ATP1A3: variants seen among roughly 807,000 people sequenced by gnomAD.
The protein encoded by ATP1A3 is sodium/potassium-transporting ATPase subunit alpha-3.
In ATP1A3, 12 loss-of-function variants were observed where a neutral mutation model predicts 108.8. The ratio of observed to expected loss-of-function variants is 0.11; its 90% CI spans 0.07 to 0.18. The LOEUF (loss-of-function observed/expected upper bound fraction) is 0.18, where lower values mean the gene tolerates loss of function less well. Ranked by LOEUF, ATP1A3 falls within the 10% of genes least tolerant of loss-of-function variation. The probability of loss-of-function intolerance (pLI) is 1.00; values close to 1 mark genes in which losing one functional copy is unlikely to be tolerated. For missense variants in ATP1A3, 498 were observed against 1,387.7 expected (o/e 0.36, Z 10.19); for synonymous variants, 539 against 564.5 (o/e 0.95, Z 0.64).
intron 1 of ATP1A3, chr19:41,993,703 G>A (rs2075361958): frequency 1.7e-6 from 1 of 603,320 alleles, no homozygotes; most frequent in East Asian, 2.8e-5. Flanking sequence ...ACACCCAGAC[G>A]CGATCGCAGA....
rs2075200455 is a variant in ATP1A3 at position 41,978,884 on chromosome 19, C to T, written c.1438-86G>A. ...CCATCCTGTCCCCTGTCCAGAGCCACGGGTGCCAGGATAGGCCCACACCAG... is the reference window on the plus strand; with the variant it reads ...CCATCCTGTCCCCTGTCCAGAGCCATGGGTGCCAGGATAGGCCCACACCAG... On this transcript the variant is annotated intron_variant, in intron 11 of 22. Coordinates refer to ENST00000648268, the MANE Select transcript of ATP1A3 (RefSeq NM_152296.5). The surrounding 1 kb of genome is among the most constrained non-coding windows in gnomAD (Gnocchi z 8.3). 11 of 1,433,038 alleles carry T rather than the reference C, an allele frequency of 7.7e-6. No homozygotes were observed. The highest frequency in any genetic ancestry group is 5.4e-5 in the Admixed American group (3 of 55,838). 88.8% of individuals were successfully genotyped at this position (1,433,038 alleles called of 1,614,324 possible).
Position 41,968,802 on chromosome 19 carries a change from G to A in ATP1A3, c.2802C>T (p.Val934=). 1.2e-6 allele frequency: 2 copies of A among 1,614,132 alleles called. No individual in the cohort carries two copies. Among genetic ancestry groups the A allele is most frequent in the South Asian group, 1.1e-5 (1 of 91,080 alleles). Residue 934 remains valine (V), a synonymous_variant, in exon 20 of 23, where the codon GTC becomes GTT. Coordinates refer to ENST00000648268, the MANE Select transcript of ATP1A3 (RefSeq NM_152296.5). This position sits in a 1 kb window ranked among gnomAD's most constrained non-coding sequence, Gnocchi z 5.0. ...GCCCTCACTTCATGCCCTGCTGGAA[G>A]ACCGAGTTCCTCCGGGTCTTGCAGA... ...LIICKTRRNS[V]FQQGMKNKIL... is the part of the protein sequence containing the mutation.
At chr19:41,970,711 A>C (rs1441631298) in intron 16 of ATP1A3, among the ~76,000 whole-genome samples, 169 bp from the exon 17 acceptor site, 1 of 144,708 alleles carries the variant, frequency 6.9e-6, no homozygotes, top group Admixed American at 7.2e-5. Flanking sequence ...GGCTCACTGC[A>C]GGCTCCGCCT....
chr19:41,974,876 G>C (rs782568400), intron 16 of ATP1A3, among the ~76,000 whole-genome samples: 4 of 152,140 alleles, frequency 2.6e-5, no homozygotes, highest in Non-Finnish European at 4.4e-5. Flanking sequence ...CGCCTTGCCT[G>C]TGTACCGGTT....
chr19:41,978,413 C>T lies in ATP1A3; in HGVS notation c.1631-87G>A, dbSNP rs1555862208. 1 of 1,508,796 alleles carries T rather than the reference C, an allele frequency of 6.6e-7. No individual in the cohort carries two copies. The highest frequency in any genetic ancestry group is 1.4e-5 in the African/African-American group (1 of 72,408). 93.5% of individuals were successfully genotyped at this position (1,508,796 alleles called of 1,614,324 possible). On this transcript the variant is annotated intron_variant, in intron 12 of 22. Coordinates refer to ENST00000648268, the MANE Select transcript of ATP1A3 (RefSeq NM_152296.5). The surrounding 1 kb of genome is among the most constrained non-coding windows in gnomAD (Gnocchi z 8.3). ...CTAGATGTCTGCATCGCCCGCATTCCATCTCCCCATCAGCAAGACGGCCAG... is the reference window on the plus strand; with the variant it reads ...CTAGATGTCTGCATCGCCCGCATTCTATCTCCCCATCAGCAAGACGGCCAG...
At chr19:41,989,614 C>T (rs1294194005) in intron 1 of ATP1A3, among the ~76,000 whole-genome samples, 1 of 152,290 alleles carries the variant, frequency 6.6e-6, no homozygotes, top group Non-Finnish European at 1.5e-5. Context: ...CCACCGTGCC[C>T]GGCCTCGTAT....
chr19:41,979,607 G>A (rs1277069167), intron 11 of ATP1A3, among the ~76,000 whole-genome samples: 1 of 152,144 alleles, frequency 6.6e-6, no homozygotes, highest in Non-Finnish European at 1.5e-5. Flanking sequence ...ACACCCAGCT[G>A]TATGCTTCCA....
chr19:41,986,085 C>T (rs1264685611), intron 5 of ATP1A3, 31 bp downstream of exon 5: 1 of 1,614,046 alleles, frequency 6.2e-7, no homozygotes, highest in African/African-American at 1.3e-5. Context: ...CACTAACACC[C>T]CCGTCTGGCC....
In ATP1A3 at chr19:41,968,648, T is replaced by C. The variant is rs1421395359; in HGVS notation, c.2819+137A>G. The C allele has an allele frequency of 7.1e-7, 1 of 1,403,144 alleles. No individual in the cohort carries two copies. The allele number at this position is 1,403,144 out of a possible 1,614,324, so 86.9% of individuals were successfully genotyped here. On this transcript the variant is annotated intron_variant, in intron 20 of 22. Transcript: ENST00000648268. This position sits in a 1 kb window ranked among gnomAD's most constrained non-coding sequence, Gnocchi z 5.0. ...CTATGATTACACCACTGAACTCCAG[T>C]CTGGGTGACAGAGTGAGACCCTGCC...
At chr19:41,969,175 G>T (rs2075075748) in intron 19 of ATP1A3, among the ~76,000 whole-genome samples, 1 of 152,176 alleles carries the variant, frequency 6.6e-6, no homozygotes, top group Admixed American at 6.5e-5. Flanking sequence ...TCCCAAGGAG[G>T]ACAGACAGCA....
chr19:41,981,379 C>T lies in ATP1A3; in HGVS notation c.1437+123G>A. 3 of 1,481,836 alleles carry T rather than the reference C, an allele frequency of 2.0e-6. No homozygotes were observed. Among genetic ancestry groups the T allele is most frequent in the Non-Finnish European group, 2.8e-6 (3 of 1,068,706 alleles). The allele number at this position is 1,481,836 out of a possible 1,614,324, so 91.8% of individuals were successfully genotyped here. On this transcript the variant is annotated intron_variant, in intron 11 of 22. Coordinates refer to ENST00000648268, the MANE Select transcript of ATP1A3 (RefSeq NM_152296.5). The surrounding 1 kb of genome is among the most constrained non-coding windows in gnomAD (Gnocchi z 5.0). ...TCTCAAGCTCTCCCTGTTCCTCTCC[C>T]CACCAGGCGGGTATTATCATTCCCA...
chr19:41,976,522 A>T lies in ATP1A3; in HGVS notation c.1988T>A (p.Phe663Tyr). ...CVIHGTDLKD[F>Y]TSEQIDEILQ... ...GATCTCGTCGATTTGCTCGGAGGTG[A>T]AGTCCTTGAGGTCGGTGCCGTGGAT... is the stretch of plus-strand genomic sequence containing the variant. The change falls in exon 15 of 23, where the codon TTC becomes TAC. Residue 663 changes from phenylalanine (F) to tyrosine (Y), a missense_variant. Phe to Tyr is a conservative substitution (Grantham distance 22, BLOSUM62 3). Around this residue, in one of 9 missense-constraint regions of ATP1A3, gnomAD observed 20 missense variants for 17.8 expected, o/e 1.12. Coordinates refer to ENST00000648268, the MANE Select transcript of ATP1A3 (RefSeq NM_152296.5). 1 of 1,614,120 alleles carries T rather than the reference A, an allele frequency of 6.2e-7. No homozygotes were observed. Among genetic ancestry groups the T allele is most frequent in the African/African-American group, 1.3e-5 (1 of 75,038 alleles).
chr19:41,985,428 G>C lies in ATP1A3; in HGVS notation c.607-5C>G. On this transcript the variant is annotated splice_region_variant and splice_polypyrimidine_tract_variant and intron_variant, in intron 6 of 22. Transcript: ENST00000648268. This position sits in a 1 kb window ranked among gnomAD's most constrained non-coding sequence, Gnocchi z 8.2. Reference sequence around the variant, plus strand: ...AGTCAGGGAGGAGTTGTCCACCTGGGGGTAGGTGCAGCAGAGAGAGGGTTC... The same window carrying C: ...AGTCAGGGAGGAGTTGTCCACCTGGCGGTAGGTGCAGCAGAGAGAGGGTTC... The C allele has an allele frequency of 6.2e-7, 1 of 1,613,214 alleles. No individual in the cohort carries two copies. Among genetic ancestry groups the C allele is most frequent in the Non-Finnish European group, 8.5e-7 (1 of 1,179,118 alleles).
chr19:41,991,901 G>A (rs2075342862), intron 1 of ATP1A3, among the ~76,000 whole-genome samples: 2 of 148,936 alleles, frequency 1.3e-5, no homozygotes, highest in Admixed American at 6.6e-5. Context: ...GTCTGAGGGA[G>A]GAGGGGCTGG....
At position 41,993,712 on chromosome 19, in the gene ATP1A3, G is replaced by C. The variant is rs1341340979; in HGVS notation, c.6+359C>G. 5.0e-6 allele frequency: 3 copies of C among 601,156 alleles called. No individual in the cohort carries two copies. In the African/African-American group the frequency reaches 5.6e-5, roughly 11 times the overall value. The allele number at this position is 601,156 out of a possible 1,614,324, so 37.2% of individuals were successfully genotyped here. A position where few individuals can be genotyped will look rare whatever the true frequency, so the allele number is the denominator to read the frequency against. ...ACAGACACACCCAGACGCGATCGCA[G>C]ACTTTCAGACACCACGGGGCCCACA... On this transcript the variant is annotated intron_variant, in intron 1 of 22. Transcript: ENST00000648268.
chr19:41,975,161 C>A (rs1375695072), intron 16 of ATP1A3, among the ~76,000 whole-genome samples: 5 of 152,162 alleles, frequency 3.3e-5, no homozygotes, highest in Non-Finnish European at 7.4e-5. Flanking sequence ...AAGCAATTCT[C>A]CTGCCTCAGC....
rs139484757 is a variant in ATP1A3 at position 41,983,156 on chromosome 19, C to A, written c.994-1050G>T. The stretch of plus-strand genomic sequence containing the variant: ...GCAGTGGCTCGATCTCAGCTCACTG[C>A]AACCTCCACCTCCCAGGTTCAAGCA... On this transcript the variant is annotated intron_variant, in intron 8 of 22. Transcript: ENST00000648268. Among the ~76,000 whole-genome samples, 989 of 152,186 alleles carry A rather than the reference C, an allele frequency of 6.5e-3. 14 individuals are homozygous for A. The highest frequency in any genetic ancestry group is 0.023 in the African/African-American group (953 of 41,520).
At chr19:41,983,789 T>G (rs1316410118) in intron 8 of ATP1A3, among the ~76,000 whole-genome samples, 4 of 145,982 alleles carry the variant, frequency 2.7e-5, no homozygotes, top group African/African-American at 1.0e-4. Flanking sequence ...TTTTTTTTTT[T>G]TTGAGACAGA....
rs1302739794 is a variant in ATP1A3 at position 41,975,671 on chromosome 19, G to A, written c.2221C>T (p.Leu741=). ...VSKQAADMIL[L]DDNFASIVTG... ...ACGATGGAGGCAAAGTTGTCGTCCAGCAGGATCATGTCAGCTGCCTGCTTG... is the reference window on the plus strand; with the variant it reads ...ACGATGGAGGCAAAGTTGTCGTCCAACAGGATCATGTCAGCTGCCTGCTTG... The change falls in exon 16 of 23, where the codon CTG becomes TTG. Residue 741 remains leucine (L), a synonymous_variant. Transcript: ENST00000648268. 5.0e-6 allele frequency: 8 copies of A among 1,614,032 alleles called. No homozygotes were observed. The African/African-American group carries it at 1.1e-4, about 22-fold the overall frequency.
Sources: gnomAD v4.1 joint callset for allele counts (sites outside exome capture counted in the v4.1 genomes callset) on GRCh38, gnomAD v4.1.1 for gene constraint, gnomAD v4.1.1 regional missense constraint, Gnocchi (gnomAD v3.1) non-coding constraint, MANE v1.5 for transcripts, NCBI Gene and HGNC (gene_info 2026-07-23, HGNC 2026-07-21) for gene names.